SCUBE1: variants seen among roughly 807,000 people sequenced by gnomAD.
SCUBE1 encodes signal peptide, CUB and EGF-like domain-containing protein 1.
A neutral mutation model predicts 124.4 loss-of-function variants in SCUBE1; 59 were observed. That is an observed-to-expected ratio of 0.47 (90% CI 0.38 to 0.59). The LOEUF (loss-of-function observed/expected upper bound fraction) is 0.59, where lower values mean the gene tolerates loss of function less well. SCUBE1 is among the 20% of genes least tolerant of loss of function. The pLI is 0.00. For synonymous variants in SCUBE1, 545 were observed against 550.9 expected (o/e 0.99, Z 0.15); for missense variants, 1,150 against 1,371.2 (o/e 0.84, Z 2.55).
At chr22:43,296,421 G>T (rs1022659782) in intron 3 of SCUBE1, among the ~76,000 whole-genome samples, 4 of 152,258 alleles carry the variant, frequency 2.6e-5, no homozygotes, top group African/African-American at 9.6e-5. Context: ...CCTGCTGGCA[G>T]CTCATGGTCC....
rs115965745 is a variant in SCUBE1, at chr22:43,258,567, G to A, written c.611-232C>T. Reference sequence around the variant, plus strand: ...AGCTGAACGGGGGTGGGACAGAATGGACTTGGGGTCGTCTGGGCTTTGATC... The same window carrying A: ...AGCTGAACGGGGGTGGGACAGAATGAACTTGGGGTCGTCTGGGCTTTGATC... On this transcript the variant is annotated intron_variant, in intron 5 of 21. Transcript: ENST00000360835. This position sits in a 1 kb window ranked among gnomAD's most constrained non-coding sequence, Gnocchi z 5.0. Among the ~76,000 whole-genome samples the A allele has an allele frequency of 0.036, 5,471 of 152,274 alleles. 130 individuals carry two copies. Among genetic ancestry groups the A allele is most frequent in the Middle Eastern group, 0.075 (22 of 294 alleles).
chr22:43,278,745 C>A (rs149801294), intron 4 of SCUBE1, among the ~76,000 whole-genome samples: 11 of 152,334 alleles, frequency 7.2e-5, no homozygotes, highest in South Asian at 6.2e-4. Flanking sequence ...TCCTGCCCCC[C>A]CAGTGCAGCT....
In SCUBE1 at chr22:43,198,985, C is replaced by T. The variant is rs1039183217; in HGVS notation, c.*5012G>A. On this transcript the variant is annotated 3_prime_UTR_variant, in exon 22 of 22. Coordinates refer to ENST00000360835, the MANE Select transcript of SCUBE1 (RefSeq NM_173050.5). ...TTTTTCTGTCTGCTGTCCGGGGCAACGTGTCTGTCTGTCTGCTGTCCGGGG... is the reference window on the plus strand; with the variant it reads ...TTTTTCTGTCTGCTGTCCGGGGCAATGTGTCTGTCTGTCTGCTGTCCGGGG... 2.6e-5 allele frequency: 9 copies of T among 348,510 alleles called. No individual in the cohort carries two copies. The highest frequency in any genetic ancestry group is 1.2e-4 in the African/African-American group (5 of 43,212). 21.6% of individuals were successfully genotyped at this position (348,510 alleles called of 1,614,324 possible). A position where few individuals can be genotyped will look rare whatever the true frequency, so the allele number is the denominator to read the frequency against.
chr22:43,232,003 T>G, intron 7 of SCUBE1, 128 bp from the exon 8 acceptor site: 1 of 1,079,448 alleles, frequency 9.3e-7, no homozygotes, highest in Non-Finnish European at 1.4e-6. Flanking sequence ...CTTCCCAAGC[T>G]GGCTGCTGGC....
chr22:43,276,493 C>A (rs1401432816), intron 4 of SCUBE1, among the ~76,000 whole-genome samples: 1 of 152,196 alleles, frequency 6.6e-6, no homozygotes, highest in African/African-American at 2.4e-5. Flanking sequence ...AGACGTCCCA[C>A]CAGGAGATTG....
At chr22:43,209,205 C>G (rs959102654) in intron 19 of SCUBE1, among the ~76,000 whole-genome samples, 1 of 152,170 alleles carries the variant, frequency 6.6e-6, no homozygotes, top group Non-Finnish European at 1.5e-5. Context: ...CCTCAGGCCC[C>G]TCCCCACCCC....
At position 43,234,690 on chromosome 22, in the gene SCUBE1, GT is replaced by G. The variant is rs1400761098; in HGVS notation, c.845-2816del. Among the ~76,000 whole-genome samples the G allele has an allele frequency of 6.6e-6, 1 of 152,122 alleles. No homozygotes were observed. Among genetic ancestry groups the G allele is most frequent in the Non-Finnish European group, 1.5e-5 (1 of 67,998 alleles). On this transcript the variant is annotated intron_variant, in intron 7 of 21. Coordinates refer to ENST00000360835, the MANE Select transcript of SCUBE1 (RefSeq NM_173050.5). This position sits in a 1 kb window ranked among gnomAD's most constrained non-coding sequence, Gnocchi z 4.4. ...TCTCTGCCCTTCCGCTCCTTCCTGG[GT>G]TCCCACCCCACCGCCCCACACCAGG... is the stretch of plus-strand genomic sequence containing the variant.
At chr22:43,228,816 G>GTCTGAAACCCCA (rs914167925) in intron 9 of SCUBE1, among the ~76,000 whole-genome samples, 8 of 152,214 alleles carry the variant, frequency 5.3e-5, no homozygotes, top group African/African-American at 1.9e-4. Context: ...TTCCAGCCCC[G>GTCTGAAACCCCA]TGCCCATCTG....
chr22:43,248,743 G>A (rs1413789043), intron 6 of SCUBE1, among the ~76,000 whole-genome samples: 1 of 152,172 alleles, frequency 6.6e-6, no homozygotes, highest in Admixed American at 6.5e-5. Context: ...GCGGCCCTGT[G>A]ATATCACCTC....
chr22:43,259,873 C>CCCT (rs1386725476), intron 5 of SCUBE1, among the ~76,000 whole-genome samples: 3 of 152,222 alleles, frequency 2.0e-5, no homozygotes, highest in Non-Finnish European at 4.4e-5. Flanking sequence ...AAGCACAAAG[C>CCCT]CCTCCAGCCT....
At chr22:43,298,880 G>T (rs1433099785) in intron 3 of SCUBE1, among the ~76,000 whole-genome samples, 3 of 152,068 alleles carry the variant, frequency 2.0e-5, no homozygotes. Flanking sequence ...GTGAAACCCT[G>T]TCTCTACTAA....
chr22:43,214,021 C>T, intron 16 of SCUBE1, 69 bp downstream of exon 16: 7 of 1,275,160 alleles, frequency 5.5e-6, no homozygotes, highest in South Asian at 4.3e-5. Context: ...GACAGGAGGG[C>T]CTCATCAGAG....
chr22:43,275,873 G>A (rs1924490078), intron 4 of SCUBE1: 1 of 152,548 alleles, frequency 6.6e-6, no homozygotes, highest in Non-Finnish European at 1.5e-5. Context: ...GAGGAACTCG[G>A]AGGGGGGCGG....
intron 14 of SCUBE1, among the ~76,000 whole-genome samples, chr22:43,219,176 A>G (rs957012207): frequency 6.6e-6 from 1 of 152,270 alleles, no homozygotes; most frequent in African/African-American, 2.4e-5. Flanking sequence ...GTCATGGGGT[A>G]GGTCCCTCAT....
chr22:43,208,918 G>C (rs758873228), intron 19 of SCUBE1, among the ~76,000 whole-genome samples: 16 of 152,108 alleles, frequency 1.1e-4, no homozygotes, highest in Non-Finnish European at 8.8e-5. Context: ...CGGCTCCCTG[G>C]GGGCCTTCCC....
intron 15 of SCUBE1, among the ~76,000 whole-genome samples, chr22:43,218,046 A>T (rs1921913864): frequency 6.6e-6 from 1 of 152,120 alleles, no homozygotes. Context: ...TCAGACTGTG[A>T]TCACATGCCC....
At chr22:43,219,665 G>C (rs1050445546) in intron 14 of SCUBE1, among the ~76,000 whole-genome samples, 2 of 151,982 alleles carry the variant, frequency 1.3e-5, no homozygotes, top group Non-Finnish European at 2.9e-5. Context: ...GTAGAGACAG[G>C]GTTTCACCAT....
chr22:43,333,675 A>G (rs1159267222), intron 2 of SCUBE1, among the ~76,000 whole-genome samples: 1 of 152,240 alleles, frequency 6.6e-6, no homozygotes, highest in African/African-American at 2.4e-5. Flanking sequence ...TACAGTCCCT[A>G]TGGGACAGCC....
chr22:43,267,765 G>A (rs1348727535), intron 4 of SCUBE1, among the ~76,000 whole-genome samples: 7 of 152,188 alleles, frequency 4.6e-5, no homozygotes, highest in Non-Finnish European at 7.3e-5. Flanking sequence ...GAGGGAGAGC[G>A]GGTGGCATGC....
Sources: allele counts gnomAD v4.1 joint callset (sites outside exome capture counted in the v4.1 genomes callset), GRCh38; gene constraint gnomAD v4.1.1; non-coding constraint Gnocchi (gnomAD v3.1); transcripts MANE v1.5; gene names NCBI Gene and HGNC (gene_info 2026-07-23, HGNC 2026-07-21).